MYH15: variants seen among roughly 807,000 people sequenced by gnomAD.
MYH15 encodes the protein myosin heavy chain 15, also known as myosin-15.
In MYH15, 227 loss-of-function variants were observed where a neutral mutation model predicts 240.5. The observed-to-expected ratio is 0.94, with a 90% CI of 0.85 to 1.05. The LOEUF (loss-of-function observed/expected upper bound fraction) is 1.05. Among genes scored for constraint, MYH15 ranks in the 50% least tolerant of loss-of-function variants. MYH15 has a pLI of 0.00. For synonymous variants in MYH15, 785 were observed against 796.7 expected, an observed-to-expected ratio of 0.99 and a Z score of 0.25; for missense variants, 2,217 against 2,247.5, an observed-to-expected ratio of 0.99 and a Z score of 0.27.
In MYH15 at chr3:108,501,861, G is replaced by C. The variant is rs750088507; in HGVS notation, c.196-6C>G. 2 of 1,613,054 alleles carry C rather than the reference G, an allele frequency of 1.2e-6. No individual in the cohort carries two copies. Among genetic ancestry groups the C allele is most frequent in the African/African-American group, 2.7e-5 (2 of 74,976 alleles). On this transcript the variant is annotated splice_region_variant and splice_polypyrimidine_tract_variant and intron_variant, in intron 2 of 40. Coordinates refer to ENST00000693548, the MANE Select transcript of MYH15 (RefSeq NM_014981.3). ...TCCTCCTTTATGCTCAGACTCTGCA[G>C]AGAGAAGAAAAATATATGATATATT...
At chr3:108,384,216 C>A (rs2082365105) in intron 39 of MYH15, among the ~76,000 whole-genome samples, 1 of 152,140 alleles carries the variant, frequency 6.6e-6, no homozygotes, top group Non-Finnish European at 1.5e-5. Context: ...TGACACTTAT[C>A]AATTACATTC....
intron 1 of MYH15, among the ~76,000 whole-genome samples, chr3:108,508,931 G>T (rs2083500269): frequency 6.6e-6 from 1 of 151,928 alleles, no homozygotes; most frequent in Non-Finnish European, 1.5e-5. Flanking sequence ...AGTCTCATTT[G>T]GTCCCCACAG....
At chr3:108,383,092 G>C (rs2082355123) in intron 40 of MYH15, among the ~76,000 whole-genome samples, 1 of 152,034 alleles carries the variant, frequency 6.6e-6, no homozygotes, top group South Asian at 2.1e-4. Context: ...TTTTTGGGCA[G>C]AATCAGGAAT....
chr3:108,433,800 AC>A (rs2082801924), intron 25 of MYH15, among the ~76,000 whole-genome samples: 1 of 152,024 alleles, frequency 6.6e-6, no homozygotes, highest in African/African-American at 2.4e-5. Context: ...AATCCATTAA[AC>A]CCTTTTTCCT....
chr3:108,502,134 T>G (rs2083443324), intron 2 of MYH15, among the ~76,000 whole-genome samples: 1 of 152,158 alleles, frequency 6.6e-6, no homozygotes, highest in South Asian at 2.1e-4. Context: ...CTAGCCCTGA[T>G]TCCCTCTAAG....
chr3:108,408,057 C>T (rs2082559384), intron 32 of MYH15, among the ~76,000 whole-genome samples: 1 of 152,222 alleles, frequency 6.6e-6, no homozygotes, highest in African/African-American at 2.4e-5. Context: ...TTTGCATTCA[C>T]TGTTGTGTAT....
intron 25 of MYH15, 65 bp downstream of exon 25, chr3:108,437,489 T>C: frequency 6.5e-7 from 1 of 1,544,890 alleles, no homozygotes; most frequent in Non-Finnish European, 8.7e-7. Context: ...ATAAATGAAA[T>C]GAGAAAGCTG....
At chr3:108,395,559 T>C (rs1207964699) in intron 35 of MYH15, among the ~76,000 whole-genome samples, 1 of 152,148 alleles carries the variant, frequency 6.6e-6, no homozygotes, top group African/African-American at 2.4e-5. Context: ...CATAGAATCC[T>C]TTAAAATTTG....
At chr3:108,411,085 G>A (rs1418713045) in intron 30 of MYH15, among the ~76,000 whole-genome samples, 153 bp from the exon 31 acceptor site, 1 of 152,188 alleles carries the variant, frequency 6.6e-6, no homozygotes, top group Non-Finnish European at 1.5e-5. Flanking sequence ...GCTCCTATCT[G>A]AAAGTGACCT....
intron 1 of MYH15, among the ~76,000 whole-genome samples, chr3:108,520,556 A>T (rs1450378811): frequency 6.6e-6 from 1 of 152,202 alleles, no homozygotes; most frequent in African/African-American, 2.4e-5. Context: ...TTGGCACCCC[A>T]AATGTCTCTG....
chr3:108,479,201 C>A (rs1057270450), intron 11 of MYH15, among the ~76,000 whole-genome samples: 2 of 152,306 alleles, frequency 1.3e-5, no homozygotes, highest in African/African-American at 2.4e-5. Flanking sequence ...ATATTTTAAT[C>A]ATATTCCCAA....
At chr3:108,536,341 T>C in the MYH15 span, among the ~76,000 whole-genome samples, 1 of 152,188 alleles carries the variant, frequency 6.6e-6, no homozygotes, top group Non-Finnish European at 1.5e-5. Flanking sequence ...GTTGATGACA[T>C]TTGTATCTAT....
intron 1 of MYH15, among the ~76,000 whole-genome samples, chr3:108,523,227 T>C (rs999316538): frequency 1.3e-5 from 2 of 152,070 alleles, no homozygotes; most frequent in African/African-American, 4.8e-5. Context: ...GGTGGGATTA[T>C]GGATTCTTTT....
chr3:108,401,738 T>A (rs575986866), intron 33 of MYH15, among the ~76,000 whole-genome samples: 1 of 152,354 alleles, frequency 6.6e-6, no homozygotes, highest in African/African-American at 2.4e-5. Flanking sequence ...CAGTTGTTTA[T>A]GAAACTTCAT....
At chr3:108,470,914 T>G in intron 12 of MYH15, 67 bp from the exon 13 acceptor site, 10 of 1,512,290 alleles carry the variant, frequency 6.6e-6, no homozygotes, top group Non-Finnish European at 9.0e-6. Context: ...GGGCATTCTC[T>G]ATCAGCAACT....
chr3:108,471,580 A>G (rs1177688040), intron 12 of MYH15, among the ~76,000 whole-genome samples: 4 of 152,014 alleles, frequency 2.6e-5, no homozygotes, highest in Non-Finnish European at 5.9e-5. Context: ...CCTTTGATGT[A>G]TATGTTCTTG....
At chr3:108,409,308 C>T (rs12636779) in intron 31 of MYH15, among the ~76,000 whole-genome samples, 12,453 of 152,244 alleles carry the variant, frequency 0.082, 1,343 homozygotes, top group East Asian at 0.51. Flanking sequence ...ACTCTGACCG[C>T]ACCTTAGAAT....
chr3:108,393,510 G>C (rs900854601), intron 36 of MYH15, among the ~76,000 whole-genome samples: 2 of 152,162 alleles, frequency 1.3e-5, no homozygotes, highest in African/African-American at 4.8e-5. Context: ...ACATCATTTA[G>C]GAAAATCACT....
intron 28 of MYH15, among the ~76,000 whole-genome samples, chr3:108,417,759 A>G (rs908696928): frequency 2.0e-5 from 3 of 150,964 alleles, no homozygotes; most frequent in African/African-American, 7.3e-5. Flanking sequence ...AGACAGTGTC[A>G]GATACACACA....
Sources: gnomAD v4.1 joint callset for allele counts (sites outside exome capture counted in the v4.1 genomes callset) on GRCh38, gnomAD v4.1.1 for gene constraint, MANE v1.5 for transcripts, NCBI Gene and HGNC (gene_info 2026-07-23, HGNC 2026-07-21) for gene names.